FAM149A: variants seen among roughly 807,000 people sequenced by gnomAD.
FAM149A encodes protein FAM149A.
FAM149A carries 71 observed loss-of-function variants against 78.2 expected under a neutral mutation model. The ratio of observed to expected loss-of-function variants is 0.91; its 90% CI spans 0.75 to 1.11. The LOEUF (loss-of-function observed/expected upper bound fraction) is 1.11. FAM149A is among the 50% of genes least tolerant of loss of function. The pLI is 0.00. For missense variants in FAM149A, 1,036 were observed against 971.0 expected (o/e 1.07, Z -0.89); for synonymous variants, 446 against 410.5 (o/e 1.09, Z -1.04).
chr4:186,146,378 C>A, intron 1 of FAM149A: 1 of 747,932 alleles, frequency 1.3e-6, no homozygotes, highest in Non-Finnish European at 1.6e-6. Flanking sequence ...CCCATTTCCC[C>A]CTGCCCTGCA....
chr4:186,150,395 T>TCTG (rs1401107442), intron 3 of FAM149A, among the ~76,000 whole-genome samples: 2 of 125,442 alleles, frequency 1.6e-5, no homozygotes, highest in African/African-American at 6.3e-5. Flanking sequence ...CTTGCTTGCT[T>TCTG]TCTCTCTCTC....
At chr4:186,138,304 T>C (rs1415599126) in intron 1 of FAM149A, among the ~76,000 whole-genome samples, 1 of 152,154 alleles carries the variant, frequency 6.6e-6, no homozygotes, top group East Asian at 1.9e-4. Context: ...AAAAATAGGC[T>C]CACGTGATTG....
Position 186,157,712 on chromosome 4 carries a change from C to T in FAM149A, c.1568C>T (p.Pro523Leu), listed in dbSNP as rs2276922. Residue 523 changes from proline to leucine, a missense_variant, in exon 8 of 14, where the codon CCG becomes CTG. Transcript: ENST00000389354. ...ATCTCCCTGGCTTCTCGTCTGAACC[C>T]GCCCCAGGTCGGTGCTTTCACACCC... The T allele has an allele frequency of 0.25, 403,004 of 1,606,988 alleles. 53,044 individuals are homozygous for T. The highest frequency in any genetic ancestry group is 0.41 in the African/African-American group (30,828 of 74,780).
intron 1 of FAM149A, among the ~76,000 whole-genome samples, chr4:186,105,958 G>A (rs1448489313): frequency 6.6e-6 from 1 of 152,134 alleles, no homozygotes; most frequent in African/African-American, 2.4e-5. Flanking sequence ...TTTTCTTAAG[G>A]ACTTTTTGAA....
chr4:186,117,008 A>C (rs573095970), intron 1 of FAM149A, among the ~76,000 whole-genome samples: 1 of 152,350 alleles, frequency 6.6e-6, no homozygotes, highest in East Asian at 1.9e-4. Context: ...AATGCTAATT[A>C]AGCATTCACA....
chr4:186,110,397 T>C (rs1217078748), intron 1 of FAM149A: 30 of 826,414 alleles, frequency 3.6e-5, no homozygotes, highest in Non-Finnish European at 4.4e-5. Flanking sequence ...TACTTTCTTT[T>C]TTTTTTTTTA....
chr4:186,158,233 G>A (rs1734230108), intron 8 of FAM149A: 25 of 1,259,974 alleles, frequency 2.0e-5, no homozygotes, highest in Non-Finnish European at 2.6e-5. Context: ...GCCAGACCCA[G>A]GCAGCCTTCC....
At position 186,167,251 on chromosome 4, in the gene FAM149A, G is replaced by A. The variant is rs1182877435; in HGVS notation, c.2207G>A (p.Ser736Asn). 1 of 1,612,882 alleles carries A rather than the reference G, an allele frequency of 6.2e-7. No homozygotes were observed. Among genetic ancestry groups the A allele is most frequent in the Admixed American group, 1.7e-5 (1 of 59,998 alleles). Residue 736 changes from serine (S) to asparagine (N), a missense_variant, in exon 13 of 14, where the codon AGT (serine) becomes AAT (asparagine). By Grantham distance (46) the Ser-to-Asn change is conservative. This residue lies in a region of FAM149A where 716 missense variants were observed against 711.8 expected (regional missense o/e 1.01). Transcript: ENST00000389354. Reference sequence around the variant, plus strand: ...GCTGCTCACACATGGACAGGTCAAAGTATTTTGACAGGTCAGCTTTTCTCC... The same window carrying A: ...GCTGCTCACACATGGACAGGTCAAAATATTTTGACAGGTCAGCTTTTCTCC...
At chr4:186,165,898 T>G (rs1305546139) in intron 11 of FAM149A, among the ~76,000 whole-genome samples, 2 of 152,224 alleles carry the variant, frequency 1.3e-5, no homozygotes, top group Admixed American at 6.5e-5. Flanking sequence ...TCTAAAGAAT[T>G]GTTAGAAGGA....
At chr4:186,116,589 A>C in intron 1 of FAM149A, 1 of 916,768 alleles carries the variant, frequency 1.1e-6, no homozygotes, top group Non-Finnish European at 1.2e-6. Context: ...TTGTTGTTAT[A>C]TTTAAATTTT....
intron 1 of FAM149A, among the ~76,000 whole-genome samples, chr4:186,145,997 G>GAA (rs1303883724): frequency 1.4e-5 from 2 of 141,918 alleles, no homozygotes; most frequent in African/African-American, 2.6e-5. Context: ...ATGTGAAAGA[G>GAA]AAAAAAAAAA....
At chr4:186,126,535 C>T (rs899761584) in intron 1 of FAM149A, among the ~76,000 whole-genome samples, 6 of 152,190 alleles carry the variant, frequency 3.9e-5, no homozygotes, top group African/African-American at 1.4e-4. Flanking sequence ...GGCGAATTCT[C>T]TTCTTCTTGA....
chr4:186,153,470 C>T (rs1236892563), intron 4 of FAM149A, 175 bp from the exon 5 acceptor site: 1 of 985,294 alleles, frequency 1.0e-6, no homozygotes, highest in Non-Finnish European at 1.2e-6. Flanking sequence ...AGTGGAAGAA[C>T]AGTCTGGCCT....
At chr4:186,134,972 A>G (rs913989320) in intron 1 of FAM149A, among the ~76,000 whole-genome samples, 1 of 152,226 alleles carries the variant, frequency 6.6e-6, no homozygotes, top group Non-Finnish European at 1.5e-5. Context: ...GACAGAATGT[A>G]TAACAGATGA....
chr4:186,131,200 T>C (rs1579822353), intron 1 of FAM149A, among the ~76,000 whole-genome samples: 1 of 151,988 alleles, frequency 6.6e-6, no homozygotes, highest in African/African-American at 2.4e-5. Context: ...ATACAAAAAT[T>C]AGCCAGGTGT....
chr4:186,138,779 C>T (rs1004422580), intron 1 of FAM149A, among the ~76,000 whole-genome samples: 2 of 152,126 alleles, frequency 1.3e-5, no homozygotes, highest in African/African-American at 4.8e-5. Flanking sequence ...TGCAAGGGTG[C>T]GTGTCAACAT....
chr4:186,136,964 T>TCTCTCTCTCTCTCTCTCTCTC (rs2099323207), intron 1 of FAM149A, among the ~76,000 whole-genome samples: 5 of 97,104 alleles, frequency 5.1e-5, no homozygotes, highest in African/African-American at 8.9e-5. Flanking sequence ...CTCTCTCTCT[T>TCTCTCTCTCTCTCTCTCTCTC]TCTCTCTCTC....
Position 186,154,531 on chromosome 4 carries a change from T to G in FAM149A, c.1122T>G (p.Pro374=). The change falls in exon 6 of 14, where the codon CCT becomes CCG. Residue 374 remains proline, a synonymous_variant. Coordinates refer to ENST00000389354, the MANE Select transcript of FAM149A (RefSeq NM_001367768.3). Reference sequence around the variant, plus strand: ...TCTCAGCCTCTGCCCTGCCAGGCCCTGATGACACAGGGGTTGCTGACCTAA... The same window carrying G: ...TCTCAGCCTCTGCCCTGCCAGGCCCGGATGACACAGGGGTTGCTGACCTAA... 6.2e-7 allele frequency: 1 copy of G among 1,614,138 alleles called. No individual in the cohort carries two copies. The highest frequency in any genetic ancestry group is 8.5e-7 in the Non-Finnish European group (1 of 1,180,000).
Position 186,154,554 on chromosome 4 carries a change from T to C in FAM149A, c.1145T>C (p.Leu382Pro). ...CCTGATGACACAGGGGTTGCTGACC[T>C]AACGGCACGTTCATCCCTGGAAGAA... is the stretch of plus-strand genomic sequence containing the variant. The change falls in exon 6 of 14, where the codon CTA becomes CCA. Residue 382 changes from leucine (L) to proline (P), a missense_variant. Physicochemically the swap from Leu to Pro is moderately conservative, Grantham distance 98. Around this residue, in one of 3 missense-constraint regions of FAM149A, gnomAD observed 716 missense variants for 711.8 expected, o/e 1.01. Transcript: ENST00000389354. 1 of 1,614,164 alleles carries C rather than the reference T, an allele frequency of 6.2e-7. No individual in the cohort carries two copies. The highest frequency in any genetic ancestry group is 1.1e-5 in the South Asian group (1 of 91,074).
Sources: gnomAD v4.1 joint callset for allele counts (sites outside exome capture counted in the v4.1 genomes callset) on GRCh38, gnomAD v4.1.1 for gene constraint, gnomAD v4.1.1 regional missense constraint, MANE v1.5 for transcripts, NCBI Gene and HGNC (gene_info 2026-07-23, HGNC 2026-07-21) for gene names.